Variants in SH2D1B observed in about 807,000 individuals in gnomAD.
SH2D1B encodes SH2 domain-containing protein 1B.
A neutral mutation model predicts 16.3 loss-of-function variants in SH2D1B; 11 were observed. That is an observed-to-expected ratio of 0.67 (90% CI 0.42 to 1.11). The LOEUF (loss-of-function observed/expected upper bound fraction) is 1.11. Ranked by LOEUF, SH2D1B falls within the 50% of genes most tolerant of loss-of-function variation. SH2D1B has a pLI of 0.00. For missense variants in SH2D1B, 123 were observed against 153.1 expected (o/e 0.80, Z 1.04); for synonymous variants, 55 against 56.1 (o/e 0.98, Z 0.09).
rs776302238 is a variant in SH2D1B, at chr1:162,397,269, C to A, written c.*11G>T. On this transcript the variant is annotated 3_prime_UTR_variant, in exon 4 of 4. Coordinates refer to ENST00000367929, the MANE Select transcript of SH2D1B (RefSeq NM_053282.5). ...CATCTCTTCAACTTGCTTTGTCCGGCAGCCTTATCTTCAAGGCAAGACATC... is the reference window on the plus strand; with the variant it reads ...CATCTCTTCAACTTGCTTTGTCCGGAAGCCTTATCTTCAAGGCAAGACATC... 1.5e-5 allele frequency: 24 copies of A among 1,613,616 alleles called. No homozygotes were observed. Among genetic ancestry groups the A allele is most frequent in the Non-Finnish European group, 2.0e-5 (24 of 1,179,800 alleles).
At chr1:162,402,523 AAC>A in intron 2 of SH2D1B, 5 of 452,140 alleles carry the variant, frequency 1.1e-5, no homozygotes, top group African/African-American at 7.9e-5. Flanking sequence ...GTCTAAAAAA[AAC>A]AAAACAACAA....
Position 162,412,065 on chromosome 1 carries a change from C to G in SH2D1B, c.-49G>C. 1 of 1,611,536 alleles carries G rather than the reference C, an allele frequency of 6.2e-7. No homozygotes were observed. Among genetic ancestry groups the G allele is most frequent in the Non-Finnish European group, 8.5e-7 (1 of 1,178,194 alleles). On this transcript the variant is annotated 5_prime_UTR_variant, in exon 1 of 4. Coordinates refer to ENST00000367929, the MANE Select transcript of SH2D1B (RefSeq NM_053282.5). ...AAGCCCTGTTGGCCTGAAATTCACC[C>G]CCAAGTCAAGGGACAGCTCTGAGGA... is the stretch of plus-strand genomic sequence containing the variant.
intron 2 of SH2D1B, among the ~76,000 whole-genome samples, chr1:162,402,297 G>A (rs540699373): frequency 1.3e-5 from 2 of 152,254 alleles, no homozygotes; most frequent in Admixed American, 6.5e-5. Context: ...CGGATCACAA[G>A]GTCAGGAGAT....
chr1:162,398,166 G>A (rs1648425541), intron 3 of SH2D1B, among the ~76,000 whole-genome samples: 2 of 152,142 alleles, frequency 1.3e-5, no homozygotes, highest in Admixed American at 1.3e-4. Flanking sequence ...AGAACTCTCT[G>A]TCCTCTGTCC....
At chr1:162,407,569 T>C (rs773370006) in intron 1 of SH2D1B, among the ~76,000 whole-genome samples, 2 of 152,240 alleles carry the variant, frequency 1.3e-5, no homozygotes, top group Non-Finnish European at 2.9e-5. Context: ...GCATGTACCA[T>C]GCTTAGCAAA....
In SH2D1B at chr1:162,397,318, T is replaced by C; in HGVS notation, c.364-3A>G. 6.2e-7 allele frequency: 1 copy of C among 1,613,566 alleles called. No homozygotes were observed. The highest frequency in any genetic ancestry group is 1.1e-5 in the South Asian group (1 of 91,070). ...TCCACATAATCGCTGTTACTGTTCTTTGGAGGGAAAAAAAAAGCAGAAGAC... is the reference window on the plus strand; with the variant it reads ...TCCACATAATCGCTGTTACTGTTCTCTGGAGGGAAAAAAAAAGCAGAAGAC... On this transcript the variant is annotated splice_region_variant and splice_polypyrimidine_tract_variant and intron_variant, in intron 3 of 3. Transcript: ENST00000367929.
intron 3 of SH2D1B, 118 bp from the exon 4 acceptor site, chr1:162,397,433 C>T (rs1648405209): frequency 9.6e-7 from 1 of 1,046,976 alleles, no homozygotes; most frequent in Non-Finnish European, 1.4e-6. Context: ...ATGTTGATGC[C>T]ACCTGAAAGT....
At chr1:162,408,142 G>A (rs1349662292) in intron 1 of SH2D1B, among the ~76,000 whole-genome samples, 1 of 152,166 alleles carries the variant, frequency 6.6e-6, no homozygotes, top group Non-Finnish European at 1.5e-5. Context: ...TCTGACATAT[G>A]AGAGAATTCA....
Position 162,396,232 on chromosome 1 carries a change from G to T in SH2D1B, c.*1048C>A, listed in dbSNP as rs1246214892. On this transcript the variant is annotated 3_prime_UTR_variant, in exon 4 of 4. Transcript: ENST00000367929. ...GTGAAATACATTACTACAATTTGAT[G>T]ATAGGTAAGAGAAAGGGCATAGAAT... The T allele has an allele frequency of 1.3e-5, 2 of 152,222 alleles. No homozygotes were observed. Among genetic ancestry groups the T allele is most frequent in the Non-Finnish European group, 2.9e-5 (2 of 68,036 alleles). The allele number at this position is 152,222 out of a possible 1,614,324, so 9.4% of individuals were successfully genotyped here.
intron 1 of SH2D1B, among the ~76,000 whole-genome samples, chr1:162,406,730 G>A (rs1035750287): frequency 6.6e-6 from 1 of 152,076 alleles, no homozygotes; most frequent in Non-Finnish European, 1.5e-5. Context: ...GACTCTCAAG[G>A]CAATAGATAG....
intron 1 of SH2D1B, 22 bp downstream of exon 1, chr1:162,411,861 T>G: frequency 1.2e-6 from 2 of 1,613,946 alleles, no homozygotes; most frequent in East Asian, 2.2e-5. Context: ...ATGTCAGATG[T>G]GTGCAAGATG....
At chr1:162,402,040 G>C (rs1320257010) in intron 2 of SH2D1B, among the ~76,000 whole-genome samples, 3 of 152,070 alleles carry the variant, frequency 2.0e-5, no homozygotes, top group Non-Finnish European at 4.4e-5. Context: ...CTATATTTTC[G>C]TACAACTATT....
chr1:162,396,102 T>G lies in SH2D1B; in HGVS notation c.*1178A>C, dbSNP rs189960386. On this transcript the variant is annotated 3_prime_UTR_variant, in exon 4 of 4. Transcript: ENST00000367929. Reference sequence around the variant, plus strand: ...ATTGCTGTGACCCCAAATCTCACAATGCTCCACACTTTGGGGCTCCAGCCA... The same window carrying G: ...ATTGCTGTGACCCCAAATCTCACAAGGCTCCACACTTTGGGGCTCCAGCCA... The G allele has an allele frequency of 6.6e-6, 1 of 152,306 alleles. No homozygotes were observed. Among genetic ancestry groups the G allele is most frequent in the Admixed American group, 6.5e-5 (1 of 15,306 alleles). The allele number at this position is 152,306 out of a possible 1,614,324, so 9.4% of individuals were successfully genotyped here.
intron 2 of SH2D1B, among the ~76,000 whole-genome samples, chr1:162,400,597 C>G (rs1204234737): frequency 1.3e-5 from 2 of 151,682 alleles, no homozygotes; most frequent in East Asian, 3.9e-4. Context: ...AGCCACCATG[C>G]CTGGCCCACC....
rs758820858 is a variant in SH2D1B, at chr1:162,408,476, G to A, written c.134+3407C>T. ...TAACCCGGCTGGAGTGCAGTGGTGC[G>A]ATCTTGGCTCACTGCAACCTCCGCC... On this transcript the variant is annotated intron_variant, in intron 1 of 3. Coordinates refer to ENST00000367929, the MANE Select transcript of SH2D1B (RefSeq NM_053282.5). 4.8e-5 allele frequency among the ~76,000 whole-genome samples: 7 copies of A among 146,942 alleles called. No individual in the cohort carries two copies. In the East Asian group the frequency reaches 8.1e-4, roughly 17 times the overall value.
chr1:162,395,444 A>G lies in SH2D1B; in HGVS notation c.*1836T>C, dbSNP rs1318280410. 1 of 152,220 alleles carries G rather than the reference A, an allele frequency of 6.6e-6. No individual in the cohort carries two copies. Among genetic ancestry groups the G allele is most frequent in the Non-Finnish European group, 1.5e-5 (1 of 68,030 alleles). 9.4% of individuals were successfully genotyped at this position (152,220 alleles called of 1,614,324 possible). A position where few individuals can be genotyped will look rare whatever the true frequency, so the allele number is the denominator to read the frequency against. ...AAGGCTACAACAAACATAATGTTTA[A>G]ATAAAGAAAATTTCTAAGCATTCCC... On this transcript the variant is annotated 3_prime_UTR_variant, in exon 4 of 4. Coordinates refer to ENST00000367929, the MANE Select transcript of SH2D1B (RefSeq NM_053282.5).
chr1:162,404,232 C>G (rs1046357035), intron 1 of SH2D1B, among the ~76,000 whole-genome samples: 1 of 151,868 alleles, frequency 6.6e-6, no homozygotes, highest in Non-Finnish European at 1.5e-5. Context: ...AGTACTCAGG[C>G]GGCTGAGACA....
At chr1:162,397,433 C>CTT in intron 3 of SH2D1B, 118 bp from the exon 4 acceptor site, 1 of 1,046,960 alleles carries the variant, frequency 9.6e-7, no homozygotes. Context: ...ATGTTGATGC[C>CTT]ACCTGAAAGT....
chr1:162,403,388 C>G (rs1363533852), intron 1 of SH2D1B, among the ~76,000 whole-genome samples: 1 of 147,252 alleles, frequency 6.8e-6, no homozygotes, highest in Admixed American at 6.9e-5. Flanking sequence ...ACTCGAGAGG[C>G]TGAGGCACGA....
Sources: allele counts gnomAD v4.1 joint callset (sites outside exome capture counted in the v4.1 genomes callset), GRCh38; gene constraint gnomAD v4.1.1; transcripts MANE v1.5; gene names NCBI Gene and HGNC (gene_info 2026-07-23, HGNC 2026-07-21).